The following ENPP4 variants were observed in gnomAD, a reference collection of about 807,000 sequenced individuals.
ENPP4 encodes the protein ectonucleotide pyrophosphatase/phosphodiesterase 4.
Under a neutral mutation model 33.4 loss-of-function variants are expected in ENPP4, and 18 were observed. That is an observed-to-expected ratio of 0.54 (90% CI 0.37 to 0.80). ENPP4 has a LOEUF of 0.80. Among genes scored for constraint, ENPP4 ranks in the 30% least tolerant of loss-of-function variants. ENPP4 has a pLI of 0.00. For missense variants in ENPP4, 480 were observed against 541.7 expected, an observed-to-expected ratio of 0.89 and a Z score of 1.13; for synonymous variants, 172 against 189.9, an observed-to-expected ratio of 0.91 and a Z score of 0.78.
At chr6:46,138,771 A>G (rs1764012968) in intron 1 of ENPP4, among the ~76,000 whole-genome samples, 1 of 151,940 alleles carries the variant, frequency 6.6e-6, no homozygotes, top group Admixed American at 6.6e-5. Flanking sequence ...TGTTTTTGTC[A>G]TCAGTGAATT....
At position 46,129,993 on chromosome 6, in the gene ENPP4, G is replaced by A. The variant is rs1007879741; in HGVS notation, c.-230G>A. On this transcript the variant is annotated 5_prime_UTR_variant, in exon 1 of 4. Transcript: ENST00000321037. ...GCTCGCCTGGCAGCTGCGCACACTC[G>A]GAGCGCCCCGAGCGGCGCAGATAGG... The A allele has an allele frequency of 6.6e-6, 1 of 152,304 alleles. No homozygotes were observed. Among genetic ancestry groups the A allele is most frequent in the African/African-American group, 2.4e-5 (1 of 41,466 alleles). 9.4% of individuals were successfully genotyped at this position (152,304 alleles called of 1,614,324 possible). A position where few individuals can be genotyped will look rare whatever the true frequency, so the allele number is the denominator to read the frequency against.
At position 46,143,590 on chromosome 6, in the gene ENPP4, T is replaced by C. The variant is rs774098804; in HGVS notation, c.1312T>C (p.Phe438Leu). 1.9e-6 allele frequency: 3 copies of C among 1,612,184 alleles called. No homozygotes were observed. The highest frequency in any genetic ancestry group is 2.5e-6 in the Non-Finnish European group (3 of 1,178,674). Residue 438 changes from phenylalanine (F) to leucine (L), a missense_variant, in exon 4 of 4, where the codon TTT becomes CTT. Physicochemically the swap from Phe to Leu is conservative, Grantham distance 22. Transcript: ENST00000321037. ...MQNRLSVPRP[F>L]SRLQLQEDDD... The stretch of plus-strand genomic sequence containing the variant: ...GAATAGACTTTCTGTACCTCGTCCA[T>C]TTTCTCGACTTCAGCTACAAGAAGA...
intron 1 of ENPP4, among the ~76,000 whole-genome samples, chr6:46,136,103 A>G (rs2127492149): frequency 6.6e-6 from 1 of 152,170 alleles, no homozygotes; most frequent in East Asian, 1.9e-4. Context: ...CCCCGTGAGA[A>G]GATACTGTGC....
In ENPP4 at chr6:46,143,920, CTTT is replaced by C. The variant is rs1764107032; in HGVS notation, c.*282_*284del. The C allele has an allele frequency of 4.1e-6, 1 of 246,904 alleles. No homozygotes were observed. The highest frequency in any genetic ancestry group is 7.8e-6 in the Non-Finnish European group (1 of 128,764). The allele number at this position is 246,904 out of a possible 1,614,324, so 15.3% of individuals were successfully genotyped here. ...TCCTAACTAGAAATACTAAAAATGG[CTTT>C]TGAGAAAAATACTTCCTCTGCTTGT... On this transcript the variant is annotated 3_prime_UTR_variant, in exon 4 of 4. Coordinates refer to ENST00000321037, the MANE Select transcript of ENPP4 (RefSeq NM_014936.5).
chr6:46,140,487 T>G (rs1170625633), intron 2 of ENPP4, 78 bp downstream of exon 2: 4 of 851,276 alleles, frequency 4.7e-6, no homozygotes, highest in Non-Finnish European at 3.6e-6. Context: ...TATAAAAGAA[T>G]GAAGCTCTAG....
chr6:46,142,932 G>A (rs1361931949), intron 3 of ENPP4, among the ~76,000 whole-genome samples: 4 of 151,740 alleles, frequency 2.6e-5, no homozygotes, highest in Non-Finnish European at 5.9e-5. Flanking sequence ...CCTGACCACT[G>A]TCTTTATAAC....
intron 1 of ENPP4, among the ~76,000 whole-genome samples, chr6:46,131,280 G>C (rs1763893220): frequency 6.6e-6 from 1 of 151,964 alleles, no homozygotes; most frequent in African/African-American, 2.4e-5. Flanking sequence ...TCTAGCATTA[G>C]GTATATCTCC....
chr6:46,133,737 G>A (rs1354369706), intron 1 of ENPP4, among the ~76,000 whole-genome samples: 1 of 152,072 alleles, frequency 6.6e-6, no homozygotes, highest in East Asian at 1.9e-4. Flanking sequence ...TTCATTCCCT[G>A]CAAACTTTAT....
Position 46,143,504 on chromosome 6 carries a change from C to CA in ENPP4, c.1226_1227insA (p.Ile410AspfsTer22), listed in dbSNP as rs747923167. The CA allele has an allele frequency of 6.2e-7, 1 of 1,612,794 alleles. No individual in the cohort carries two copies. The highest frequency in any genetic ancestry group is 1.1e-5 in the South Asian group (1 of 91,048). On this transcript the variant is annotated frameshift_variant, in exon 4 of 4. Transcript: ENST00000321037. LOFTEE classifies it high-confidence loss of function. ...TGCATTAATCTCCCAGAAGCCATCG[C>CA]GATTGTTATCGGTTCACTCTTGGTG...
Position 46,141,044 on chromosome 6 carries a change from T to C in ENPP4, c.827-8T>C, listed in dbSNP as rs767406249. On this transcript the variant is annotated splice_region_variant and splice_polypyrimidine_tract_variant and intron_variant, in intron 2 of 3. Transcript: ENST00000321037. Reference sequence around the variant, plus strand: ...TTGTTTCCTTTGCTGTTTCTTTTTTTTTCTCAGATAGAACAGAGGTTTATA... The same window carrying C: ...TTGTTTCCTTTGCTGTTTCTTTTTTCTTCTCAGATAGAACAGAGGTTTATA... 6.5e-6 allele frequency: 10 copies of C among 1,547,192 alleles called. No homozygotes were observed. The highest frequency in any genetic ancestry group is 8.7e-6 in the Non-Finnish European group (10 of 1,148,870).
At chr6:46,140,447 A>T in intron 2 of ENPP4, 38 bp downstream of exon 2, 3 of 1,186,008 alleles carry the variant, frequency 2.5e-6, no homozygotes, top group South Asian at 1.5e-5. Flanking sequence ...TATTATTCGA[A>T]TGGGGCAATT....
chr6:46,134,111 A>G (rs1366506049), intron 1 of ENPP4, among the ~76,000 whole-genome samples: 3 of 152,184 alleles, frequency 2.0e-5, no homozygotes, highest in Non-Finnish European at 4.4e-5. Flanking sequence ...TAGTTTCACA[A>G]TAATATTCTG....
chr6:46,141,485 GATTC>G (rs1205715849), intron 3 of ENPP4, among the ~76,000 whole-genome samples: 1 of 151,550 alleles, frequency 6.6e-6, no homozygotes, highest in Non-Finnish European at 1.5e-5. Flanking sequence ...TAATTTTCAA[GATTC>G]ATTCTCTTGA....
At position 46,144,428 on chromosome 6, in the gene ENPP4, T is replaced by A. The variant is rs942702793; in HGVS notation, c.*788T>A. 6.6e-5 allele frequency: 10 copies of A among 152,000 alleles called. No individual in the cohort carries two copies. The highest frequency in any genetic ancestry group is 2.4e-4 in the African/African-American group (10 of 41,390). The allele number at this position is 152,000 out of a possible 1,614,324, so 9.4% of individuals were successfully genotyped here. On this transcript the variant is annotated 3_prime_UTR_variant, in exon 4 of 4. Coordinates refer to ENST00000321037, the MANE Select transcript of ENPP4 (RefSeq NM_014936.5). Reference sequence around the variant, plus strand: ...GTGTGCCTGTGCAAGTGTGTTTGTGTGTGGTTGTGTGGACATTATGTGATT... The same window carrying A: ...GTGTGCCTGTGCAAGTGTGTTTGTGAGTGGTTGTGTGGACATTATGTGATT...
At chr6:46,133,058 A>G (rs1304117663) in intron 1 of ENPP4, among the ~76,000 whole-genome samples, 3 of 152,140 alleles carry the variant, frequency 2.0e-5, no homozygotes, top group Non-Finnish European at 4.4e-5. Context: ...GGGCTGAGAC[A>G]ATGGGGTTTT....
intron 3 of ENPP4, among the ~76,000 whole-genome samples, chr6:46,142,520 CTTTA>C (rs1163796783): frequency 6.8e-6 from 1 of 146,286 alleles, no homozygotes; most frequent in Admixed American, 6.9e-5. Flanking sequence ...TTATTGAAAT[CTTTA>C]TATATTCTGC....
At chr6:46,140,998 T>G (rs1764052689) in intron 2 of ENPP4, 54 bp from the exon 3 acceptor site, 2 of 1,161,120 alleles carry the variant, frequency 1.7e-6, no homozygotes, top group Admixed American at 4.7e-5. Flanking sequence ...TTAGACATAT[T>G]TTTTCCTTAT....
chr6:46,140,554 G>C, intron 2 of ENPP4, 145 bp downstream of exon 2: 1 of 568,968 alleles, frequency 1.8e-6, no homozygotes, highest in Non-Finnish European at 3.0e-6. Context: ...TTTTCCTCTT[G>C]TTTACAAGTT....
chr6:46,143,279 G>T lies in ENPP4; in HGVS notation c.1001G>T (p.Gly334Val). ...IVLNESSQKL[G>V]DHGYDNSLPS... ...ATGTTGTTTTGTTCTTTTTCAGTAG[G>T]TGACCATGGTTATGATAATTCTTTG... The change falls in exon 4 of 4, where the codon GGT (glycine) becomes GTT (valine). Residue 334 changes from glycine to valine, a missense_variant. This residue lies in a region of ENPP4 where 249 missense variants were observed against 251.8 expected (regional missense o/e 0.99). Coordinates refer to ENST00000321037, the MANE Select transcript of ENPP4 (RefSeq NM_014936.5). 6.4e-7 allele frequency: 1 copy of T among 1,564,846 alleles called. No individual in the cohort carries two copies. The highest frequency in any genetic ancestry group is 8.7e-7 in the Non-Finnish European group (1 of 1,152,338).
Sources: gnomAD v4.1 joint callset for allele counts (sites outside exome capture counted in the v4.1 genomes callset) on GRCh38, gnomAD v4.1.1 for gene constraint, gnomAD v4.1.1 regional missense constraint, MANE v1.5 for transcripts, NCBI Gene and HGNC (gene_info 2026-07-23, HGNC 2026-07-21) for gene names.